Variants in MSI2 observed in about 807,000 individuals in gnomAD.
MSI2 encodes RNA-binding protein Musashi homolog 2.
A neutral mutation model predicts 45.6 loss-of-function variants in MSI2; 17 were observed. The observed-to-expected ratio is 0.37, with a 90% CI of 0.26 to 0.56. The LOEUF is 0.56. MSI2 is among the 20% of genes least tolerant of loss of function. The pLI, the probability that MSI2 is intolerant of heterozygous loss-of-function variation, is 0.77. For synonymous variants in MSI2, 156 were observed against 158.2 expected (o/e 0.99, Z 0.11); for missense variants, 293 against 444.2 (o/e 0.66, Z 3.06).
chr17:57,421,317 G>T (rs76302040), intron 6 of MSI2, among the ~76,000 whole-genome samples: 1 of 152,262 alleles, frequency 6.6e-6, no homozygotes, highest in South Asian at 2.1e-4. Context: ...TTACTTTGAC[G>T]GAGTATCTCC....
chr17:57,567,811 A>T (rs1405903322), intron 7 of MSI2, among the ~76,000 whole-genome samples: 1 of 152,212 alleles, frequency 6.6e-6, no homozygotes, highest in Non-Finnish European at 1.5e-5. Context: ...TTGGCCTAGC[A>T]GGCTTCTCTG....
rs1908934179 is a variant in MSI2, at chr17:57,627,659, C to A, written c.727+356C>A. 6.4e-6 allele frequency: 2 copies of A among 314,448 alleles called. No individual in the cohort carries two copies. The highest frequency in any genetic ancestry group is 1.2e-5 in the Non-Finnish European group (2 of 168,830). 19.5% of individuals were successfully genotyped at this position (314,448 alleles called of 1,614,324 possible). On this transcript the variant is annotated intron_variant, in intron 10 of 13. Transcript: ENST00000284073. The surrounding 1 kb of genome is among the most constrained non-coding windows in gnomAD (Gnocchi z 4.6). ...CAGGGCTTTCTTTCACCCTCTACCA[C>A]CCCTTGCCCGCCTCCCCGCTCCCTG...
chr17:57,581,002 A>ATTTTT (rs1567914151), intron 7 of MSI2, among the ~76,000 whole-genome samples: 1 of 58,246 alleles, frequency 1.7e-5, no homozygotes, highest in African/African-American at 6.6e-5. Flanking sequence ...TGAGGTCAGC[A>ATTTTT]TCTTTTTTTT....
At chr17:57,472,738 C>G (rs566722978) in intron 6 of MSI2, among the ~76,000 whole-genome samples, 2 of 152,180 alleles carry the variant, frequency 1.3e-5, no homozygotes, top group African/African-American at 4.8e-5. Context: ...GATCCTGGTA[C>G]GTCGTAAACA....
the MSI2 span, among the ~76,000 whole-genome samples, chr17:57,700,713 G>A: frequency 6.6e-6 from 1 of 152,118 alleles, no homozygotes; most frequent in Middle Eastern, 3.2e-3. Context: ...GACCAGCCTG[G>A]CCAACATGGT....
At chr17:57,311,826 G>A (rs1389054674) in intron 5 of MSI2, among the ~76,000 whole-genome samples, 3 of 152,136 alleles carry the variant, frequency 2.0e-5, no homozygotes, top group Admixed American at 2.0e-4. Context: ...AAGTAGCTGG[G>A]ACTAATGCAA....
intron 8 of MSI2, among the ~76,000 whole-genome samples, chr17:57,603,837 G>T (rs916489211): frequency 6.6e-6 from 1 of 152,264 alleles, no homozygotes; most frequent in Non-Finnish European, 1.5e-5. Context: ...CTCAGAGCAG[G>T]CCCAGTCAGG....
chr17:57,298,677 G>A (rs1911186216), intron 5 of MSI2, among the ~76,000 whole-genome samples: 1 of 152,162 alleles, frequency 6.6e-6, no homozygotes, highest in Non-Finnish European at 1.5e-5. Context: ...AAAGAGATGT[G>A]CTATCATCCA....
chr17:57,388,605 C>T (rs2083726244), intron 5 of MSI2, among the ~76,000 whole-genome samples: 1 of 152,204 alleles, frequency 6.6e-6, no homozygotes, highest in African/African-American at 2.4e-5. Flanking sequence ...TTGTCAACAT[C>T]TAAGTGTTAA....
downstream of MSI2, chr17:57,684,795 C>G (rs1325241947): frequency 1.3e-5 from 2 of 152,284 alleles, no homozygotes; most frequent in African/African-American, 4.8e-5. Flanking sequence ...CCACCCTCAC[C>G]CCTCAGCATG....
At chr17:57,293,590 TTTTTG>T (rs1222438494) in intron 5 of MSI2, among the ~76,000 whole-genome samples, 3 of 58,038 alleles carry the variant, frequency 5.2e-5, no homozygotes, top group East Asian at 6.0e-4. Flanking sequence ...CTTTATTGTT[TTTTTG>T]TTTTTTTTTT....
At chr17:57,431,484 C>T (rs1294368261) in intron 6 of MSI2, among the ~76,000 whole-genome samples, 3 of 152,134 alleles carry the variant, frequency 2.0e-5, no homozygotes, top group Non-Finnish European at 4.4e-5. Flanking sequence ...TTGGGGGTCC[C>T]AAGGCCAGCT....
At chr17:57,476,110 G>A (rs1447557724) in intron 6 of MSI2, among the ~76,000 whole-genome samples, 12 of 152,194 alleles carry the variant, frequency 7.9e-5, no homozygotes. Context: ...GGGCAGTTTA[G>A]CCGGCATCTT....
intron 10 of MSI2, among the ~76,000 whole-genome samples, chr17:57,648,373 A>C (rs934142772): frequency 6.6e-6 from 1 of 152,184 alleles, no homozygotes; most frequent in African/African-American, 2.4e-5. Context: ...TTAATCCTGC[A>C]CTAAAATGGT....
At chr17:57,666,350 C>T (rs549565928) in intron 11 of MSI2, among the ~76,000 whole-genome samples, 71 of 152,278 alleles carry the variant, frequency 4.7e-4, no homozygotes, top group African/African-American at 1.6e-3. Context: ...ACAAGATGTT[C>T]GGAGCATGAA....
At chr17:57,584,190 C>T (rs968092792) in intron 7 of MSI2, among the ~76,000 whole-genome samples, 1 of 152,192 alleles carries the variant, frequency 6.6e-6, no homozygotes, top group Non-Finnish European at 1.5e-5. Flanking sequence ...AGGGAGCAGT[C>T]TCCGCTCCCT....
At chr17:57,550,421 T>A (rs78806997) in intron 7 of MSI2, among the ~76,000 whole-genome samples, 4,536 of 152,298 alleles carry the variant, frequency 0.03, 132 homozygotes, top group African/African-American at 0.077. Context: ...ATAGGAAACC[T>A]GAAGTAAATA....
rs1053210681 is a variant in MSI2, at chr17:57,652,592, G to A, written c.790+431G>A. Among the ~76,000 whole-genome samples, 3 of 152,200 alleles carry A rather than the reference G, an allele frequency of 2.0e-5. No individual in the cohort carries two copies. The highest frequency in any genetic ancestry group is 1.5e-5 in the Non-Finnish European group (1 of 68,036). The stretch of plus-strand genomic sequence containing the variant: ...CCCCTGGGACCCTGCTGCACTGGTA[G>A]GTGGGCTTGCTGGTCTGGCTAAACC... On this transcript the variant is annotated intron_variant, in intron 11 of 13. Coordinates refer to ENST00000284073, the MANE Select transcript of MSI2 (RefSeq NM_138962.4). This position sits in a 1 kb window ranked among gnomAD's most constrained non-coding sequence, Gnocchi z 4.1.
At position 57,401,371 on chromosome 17, in the gene MSI2, T is replaced by C. The variant is rs2083987252; in HGVS notation, c.313-8T>C. On this transcript the variant is annotated splice_region_variant and splice_polypyrimidine_tract_variant and intron_variant, in intron 5 of 13. Coordinates refer to ENST00000284073, the MANE Select transcript of MSI2 (RefSeq NM_138962.4). ...TAACCCATGCCTTTCTCTTGTCATT[T>C]CTTGCAGATGGTCACAAGAACAAAG... The C allele has an allele frequency of 3.1e-6, 5 of 1,612,518 alleles. No homozygotes were observed. Among genetic ancestry groups the C allele is most frequent in the African/African-American group, 1.3e-5 (1 of 74,924 alleles).
Sources: gnomAD v4.1 joint callset for allele counts (sites outside exome capture counted in the v4.1 genomes callset) on GRCh38, gnomAD v4.1.1 for gene constraint, Gnocchi (gnomAD v3.1) non-coding constraint, MANE v1.5 for transcripts, NCBI Gene and HGNC (gene_info 2026-07-23, HGNC 2026-07-21) for gene names.